The following IFFO2 variants were observed in gnomAD, a reference collection of about 807,000 sequenced individuals.
IFFO2 encodes the protein intermediate filament family orphan 2.
IFFO2 carries 19 observed loss-of-function variants against 53.5 expected under a neutral mutation model. The ratio of observed to expected loss-of-function variants is 0.36; its 90% CI spans 0.25 to 0.52. The LOEUF (loss-of-function observed/expected upper bound fraction) is 0.52, where lower values mean the gene tolerates loss of function less well. IFFO2 is among the 20% of genes least tolerant of loss of function. The probability of loss-of-function intolerance (pLI) is 0.94; values close to 1 mark genes in which losing one functional copy is unlikely to be tolerated. For synonymous variants in IFFO2, 303 were observed against 313.6 expected (o/e 0.97, Z 0.36); for missense variants, 570 against 727.4 (o/e 0.78, Z 2.49).
chr1:18,955,844 G>A lies in IFFO2; in HGVS notation c.489C>T (p.Ser163=). Residue 163 remains serine, a synonymous_variant, in exon 1 of 9, where the codon AGC becomes AGT. Coordinates refer to ENST00000455833, the MANE Select transcript of IFFO2 (RefSeq NM_001136265.2). ...CGCCCGTGCGCCGCACCTGCGTGTA[G>A]CTCCAGATGGTCCCGGGCAGGCGGC... ...HYGRLPGTIW[S]YTQVRRTGGG... is the part of the protein sequence containing the mutation. 2.0e-6 allele frequency: 3 copies of A among 1,502,726 alleles called. No individual in the cohort carries two copies. The highest frequency in any genetic ancestry group is 1.8e-6 in the Non-Finnish European group (2 of 1,133,260). 93.1% of individuals were successfully genotyped at this position (1,502,726 alleles called of 1,614,324 possible).
At chr1:18,911,753 G>A (rs1237143301) in intron 6 of IFFO2, among the ~76,000 whole-genome samples, 2 of 152,054 alleles carry the variant, frequency 1.3e-5, no homozygotes, top group African/African-American at 4.8e-5. Context: ...TGGCCAGGCT[G>A]GTCTCGAACT....
rs541879495 is a variant in IFFO2 at position 18,919,780 on chromosome 1, G to A, written c.727-7C>T. The stretch of plus-strand genomic sequence containing the variant: ...CATCAGCCTCCTGTGCTGCCTGCGG[G>A]GACGGAGATGGGGAGGCTTCAGAGG... On this transcript the variant is annotated splice_polypyrimidine_tract_variant and splice_region_variant and intron_variant, in intron 2 of 8. Transcript: ENST00000455833. This position sits in a 1 kb window ranked among gnomAD's most constrained non-coding sequence, Gnocchi z 4.9. The A allele has an allele frequency of 3.0e-5, 47 of 1,545,896 alleles. No homozygotes were observed. The South Asian group carries it at 5.4e-4, about 18-fold the overall frequency.
At chr1:18,909,457 G>A (rs1936000469) in intron 8 of IFFO2, among the ~76,000 whole-genome samples, 1 of 152,154 alleles carries the variant, frequency 6.6e-6, no homozygotes, top group Admixed American at 6.5e-5. Context: ...GTTTGGCTGT[G>A]TTCCCACCCA....
Position 18,955,803 on chromosome 1 carries a change from G to T in IFFO2, c.530C>A (p.Thr177Asn). 6.5e-6 allele frequency: 10 copies of T among 1,532,278 alleles called. No individual in the cohort carries two copies. Among genetic ancestry groups the T allele is most frequent in the Non-Finnish European group, 8.7e-6 (10 of 1,146,182 alleles). 94.9% of individuals were successfully genotyped at this position (1,532,278 alleles called of 1,614,324 possible). The change falls in exon 1 of 9, where the codon ACC (threonine) becomes AAC (asparagine). Residue 177 changes from threonine (T) to asparagine (N), a missense_variant. Thr to Asn is a moderately conservative substitution (Grantham distance 65). Transcript: ENST00000455833. ...CCACGACACGCCGGGGCCCTGCACG[G>T]TCTCCACGCCGCCGCCGCCCGTGCG... is the stretch of plus-strand genomic sequence containing the variant. ...VRRTGGGGVE[T>N]VQGPGVSWVH...
At chr1:18,911,240 C>T (rs1936031682) in intron 7 of IFFO2, 144 bp downstream of exon 7, 1 of 414,496 alleles carries the variant, frequency 2.4e-6, no homozygotes, top group Admixed American at 4.4e-5. Flanking sequence ...CATTACTCGC[C>T]CCGAGGCCTC....
intron 1 of IFFO2, among the ~76,000 whole-genome samples, chr1:18,922,903 T>G (rs912480854): frequency 6.7e-6 from 1 of 149,912 alleles, no homozygotes; most frequent in African/African-American, 2.5e-5. Flanking sequence ...GGCCCCATGT[T>G]GGGGACAGGA....
chr1:18,909,010 G>A (rs779798786), intron 8 of IFFO2, among the ~76,000 whole-genome samples: 1 of 151,912 alleles, frequency 6.6e-6, no homozygotes, highest in Non-Finnish European at 1.5e-5. Flanking sequence ...TCAAAAGGAG[G>A]CCATGCGGGA....
chr1:18,944,935 G>A (rs951500297), intron 1 of IFFO2, among the ~76,000 whole-genome samples: 1 of 152,194 alleles, frequency 6.6e-6, no homozygotes. Flanking sequence ...GCATGAGGAG[G>A]GAGGAGGGGA....
intron 1 of IFFO2, among the ~76,000 whole-genome samples, chr1:18,946,503 C>A (rs1936590307): frequency 6.6e-6 from 1 of 150,904 alleles, no homozygotes; most frequent in Non-Finnish European, 1.5e-5. Context: ...CAACCTCCGC[C>A]CTCCAAGTTC....
rs61763673 is a variant in IFFO2 at position 18,936,838 on chromosome 1, G to A, written c.666-15717C>T. Among the ~76,000 whole-genome samples, 304 of 152,290 alleles carry A rather than the reference G, an allele frequency of 2.0e-3. No homozygotes were observed. The highest frequency in any genetic ancestry group is 3.6e-3 in the Non-Finnish European group (244 of 68,034). On this transcript the variant is annotated intron_variant, in intron 1 of 8. Transcript: ENST00000455833. This position sits in a 1 kb window ranked among gnomAD's most constrained non-coding sequence, Gnocchi z 4.5. The stretch of plus-strand genomic sequence containing the variant: ...ACACCTGGGTTGAAAGCAAGGCTCT[G>A]CGGCCTTAAGCCAAGTCACTTCTCT...
Position 18,919,386 on chromosome 1 carries a change from G to A in IFFO2, c.822+292C>T, listed in dbSNP as rs992593813. 1.3e-5 allele frequency among the ~76,000 whole-genome samples: 2 copies of A among 152,108 alleles called. No homozygotes were observed. Among genetic ancestry groups the A allele is most frequent in the African/African-American group, 4.8e-5 (2 of 41,412 alleles). On this transcript the variant is annotated intron_variant, in intron 3 of 8. Coordinates refer to ENST00000455833, the MANE Select transcript of IFFO2 (RefSeq NM_001136265.2). The surrounding 1 kb of genome is among the most constrained non-coding windows in gnomAD (Gnocchi z 4.9). ...GCCCTCATCAAGGCGAGCTGGGAAGGAGTGGGAGCAAACACACACAGACCA... is the reference window on the plus strand; with the variant it reads ...GCCCTCATCAAGGCGAGCTGGGAAGAAGTGGGAGCAAACACACACAGACCA...
chr1:18,941,830 C>T (rs1936525775), intron 1 of IFFO2, among the ~76,000 whole-genome samples: 1 of 152,168 alleles, frequency 6.6e-6, no homozygotes, highest in African/African-American at 2.4e-5. Context: ...GTCCATGATC[C>T]CCAGGGAGGC....
intron 1 of IFFO2, among the ~76,000 whole-genome samples, chr1:18,938,243 C>T (rs897623911): frequency 6.6e-6 from 1 of 152,358 alleles, no homozygotes; most frequent in Non-Finnish European, 1.5e-5. Context: ...ATAGTACCTA[C>T]ACCTCCCTGG....
chr1:18,951,318 C>G (rs894219171), intron 1 of IFFO2, among the ~76,000 whole-genome samples: 3 of 152,146 alleles, frequency 2.0e-5, no homozygotes, highest in Non-Finnish European at 4.4e-5. Flanking sequence ...TGAAAGCCAC[C>G]AGGCTGAATG....
rs989260585 is a variant in IFFO2, at chr1:18,912,081, C to T, written c.1106G>A (p.Arg369Gln). 7.1e-6 allele frequency: 11 copies of T among 1,551,410 alleles called. No homozygotes were observed. The highest frequency in any genetic ancestry group is 2.7e-5 in the African/African-American group (2 of 73,014). ...GTCGTCGTCAAAGTCAAAGGTCTCC[C>T]GCCTGTGGGGGTGACACCAGAGGGC... ...DEMKRMFNQL[R>Q]ETFDFDDDCD... is the part of the protein sequence containing the mutation. Residue 369 changes from arginine (R) to glutamine (Q), a missense_variant and splice_region_variant, in exon 6 of 9, where the codon CGG becomes CAG. Transcript: ENST00000455833.
Position 18,918,668 on chromosome 1 carries a change from A to G in IFFO2, c.823-166T>C, listed in dbSNP as rs1936170657. On this transcript the variant is annotated intron_variant, in intron 3 of 8. Transcript: ENST00000455833. This position sits in a 1 kb window ranked among gnomAD's most constrained non-coding sequence, Gnocchi z 5.2. ...CCGTGGAGTGGAGGGCTGCGGCGGCACTGGTCAGGGTGGGATGGGGTTGGG... is the reference window on the plus strand; with the variant it reads ...CCGTGGAGTGGAGGGCTGCGGCGGCGCTGGTCAGGGTGGGATGGGGTTGGG... Among the ~76,000 whole-genome samples the G allele has an allele frequency of 6.6e-6, 1 of 150,842 alleles. No homozygotes were observed. The highest frequency in any genetic ancestry group is 2.4e-5 in the African/African-American group (1 of 40,894).
At chr1:18,942,390 C>T (rs773952958) in intron 1 of IFFO2, among the ~76,000 whole-genome samples, 2 of 152,078 alleles carry the variant, frequency 1.3e-5, no homozygotes, top group Non-Finnish European at 2.9e-5. Context: ...CAAATTGGGG[C>T]CTGGGGGCTG....
chr1:18,948,198 TG>T (rs1467093285), intron 1 of IFFO2, among the ~76,000 whole-genome samples: 1 of 152,258 alleles, frequency 6.6e-6, no homozygotes, highest in Non-Finnish European at 1.5e-5. Context: ...TTTTGCAAAA[TG>T]TTTTCCTACT....
rs980283990 is a variant in IFFO2, at chr1:18,906,130, C to G, written c.*2431G>C. 1 of 152,204 alleles carries G rather than the reference C, an allele frequency of 6.6e-6. No individual in the cohort carries two copies. Among genetic ancestry groups the G allele is most frequent in the Non-Finnish European group, 1.5e-5 (1 of 68,100 alleles). 9.4% of individuals were successfully genotyped at this position (152,204 alleles called of 1,614,324 possible). ...CAGGCCCATCACACTCTGGCTTTCC[C>G]TCTCCTACCCACCTGCCCCAAGTCC... is the stretch of plus-strand genomic sequence containing the variant. On this transcript the variant is annotated 3_prime_UTR_variant, in exon 9 of 9. Transcript: ENST00000455833.
Sources: allele counts gnomAD v4.1 joint callset (sites outside exome capture counted in the v4.1 genomes callset), GRCh38; gene constraint gnomAD v4.1.1; non-coding constraint Gnocchi (gnomAD v3.1); transcripts MANE v1.5; gene names NCBI Gene and HGNC (gene_info 2026-07-23, HGNC 2026-07-21).